The following PCDH15 variants were observed in gnomAD, a reference collection of about 807,000 sequenced individuals.
PCDH15 encodes the protein protocadherin-15.
Under a neutral mutation model 178.5 loss-of-function variants are expected in PCDH15, and 129 were observed. The observed-to-expected ratio is 0.72, with a 90% CI of 0.63 to 0.84. The LOEUF (loss-of-function observed/expected upper bound fraction) is 0.84. PCDH15 is among the 40% of genes least tolerant of loss of function. The pLI is 0.00. For missense variants in PCDH15, 2,230 were observed against 2,099.9 expected (o/e 1.06, Z -1.21); for synonymous variants, 800 against 732.0 (o/e 1.09, Z -1.50).
intron 2 of PCDH15, among the ~76,000 whole-genome samples, chr10:55,337,512 G>T (rs1265617812): frequency 6.6e-6 from 1 of 152,126 alleles, no homozygotes; most frequent in Non-Finnish European, 1.5e-5. Flanking sequence ...GATATGAAAG[G>T]AATCGGATAT....
At chr10:55,498,381 C>T (rs1350780482) in intron 2 of PCDH15, among the ~76,000 whole-genome samples, 1 of 151,696 alleles carries the variant, frequency 6.6e-6, no homozygotes, top group East Asian at 2.0e-4. Flanking sequence ...ATAGCTGCAC[C>T]CAACAAAAGC....
intron 6 of PCDH15, among the ~76,000 whole-genome samples, chr10:54,333,109 A>G (rs1395056166): frequency 6.6e-6 from 1 of 151,930 alleles, no homozygotes; most frequent in Non-Finnish European, 1.5e-5. Flanking sequence ...CATCTGGCTA[A>G]TTTTTATTTT....
rs187122741 is a variant in PCDH15 at position 54,002,712 on chromosome 10, T to G, written c.2752-6947A>C. 2.0e-5 allele frequency among the ~76,000 whole-genome samples: 3 copies of G among 152,298 alleles called. No homozygotes were observed. The East Asian group carries it at 5.8e-4, about 29-fold the overall frequency. On this transcript the variant is annotated intron_variant, in intron 20 of 37. Coordinates refer to ENST00000644397, the MANE Select transcript of PCDH15 (RefSeq NM_001384140.1). ...AGTTGGCAGGACTTCCTGGGTTGAT[T>G]TGGGGACTTTCACAAAAGACCCCTG...
intron 1 of PCDH15, among the ~76,000 whole-genome samples, chr10:54,749,588 A>G (rs1458514121): frequency 1.3e-5 from 2 of 152,138 alleles, no homozygotes; most frequent in African/African-American, 4.8e-5. Context: ...CATACTTTTT[A>G]GATATGAACT....
intron 1 of PCDH15, among the ~76,000 whole-genome samples, chr10:54,677,911 A>G (rs2094821726): frequency 6.6e-6 from 1 of 152,174 alleles, no homozygotes; most frequent in Admixed American, 6.5e-5. Context: ...GGACCACTGT[A>G]CTATCATCAC....
At chr10:53,899,142 C>CG (rs57832917) in intron 26 of PCDH15, among the ~76,000 whole-genome samples, 74,080 of 139,084 alleles carry the variant, frequency 0.53, 20,266 homozygotes, top group Middle Eastern at 0.73. Flanking sequence ...TACTTTTTTT[C>CG]GGGGGGGGGT....
At chr10:55,371,234 T>C (rs180919141) in intron 2 of PCDH15, among the ~76,000 whole-genome samples, 8 of 152,218 alleles carry the variant, frequency 5.3e-5, no homozygotes, top group African/African-American at 1.9e-4. Flanking sequence ...ACAGACTGAT[T>C]ATTCTCAAAT....
chr10:54,190,685 T>C (rs2048907802), intron 11 of PCDH15, among the ~76,000 whole-genome samples: 1 of 152,160 alleles, frequency 6.6e-6, no homozygotes, highest in African/African-American at 2.4e-5. Context: ...AGATTATGAG[T>C]GAGCCACCAC....
In PCDH15 at chr10:54,079,397, T is replaced by A; in HGVS notation, c.2025A>T (p.Ala675=). The change falls in exon 17 of 38, where the codon GCA becomes GCT. Residue 675 remains alanine, a synonymous_variant. Coordinates refer to ENST00000644397, the MANE Select transcript of PCDH15 (RefSeq NM_001384140.1). The part of the protein sequence containing the change: ...ETTGILTLGK[A]LDRESTDRYI... Reference sequence around the variant, plus strand: ...AGCGATCAGTGCTTTCCCTGTCCAGTGCTTTCCCTAAGGTTAGAATCCCCG... The same window carrying A: ...AGCGATCAGTGCTTTCCCTGTCCAGAGCTTTCCCTAAGGTTAGAATCCCCG... 6.2e-7 allele frequency: 1 copy of A among 1,614,124 alleles called. No homozygotes were observed. Among genetic ancestry groups the A allele is most frequent in the Non-Finnish European group, 8.5e-7 (1 of 1,179,974 alleles).
intron 1 of PCDH15, among the ~76,000 whole-genome samples, chr10:55,262,958 G>A (rs1183488173): frequency 6.6e-6 from 1 of 152,118 alleles, no homozygotes; most frequent in Non-Finnish European, 1.5e-5. Flanking sequence ...TGGGGTCAGA[G>A]CCCCACAGCC....
intron 1 of PCDH15, among the ~76,000 whole-genome samples, chr10:55,172,959 GT>G (rs1259403349): frequency 6.6e-6 from 1 of 151,876 alleles, no homozygotes; most frequent in African/African-American, 2.4e-5. Context: ...AAAAAGGTTT[GT>G]TTTATGCAAA....
At chr10:54,767,177 T>A (rs1948617483) in intron 1 of PCDH15, among the ~76,000 whole-genome samples, 1 of 152,058 alleles carries the variant, frequency 6.6e-6, no homozygotes, top group East Asian at 1.9e-4. Context: ...TATTACGAGT[T>A]CAAAAATATT....
intron 1 of PCDH15, among the ~76,000 whole-genome samples, chr10:54,725,867 C>G (rs1942420020): frequency 6.7e-6 from 1 of 149,396 alleles, no homozygotes; most frequent in South Asian, 2.1e-4. Flanking sequence ...TGAATAATTT[C>G]AAGTTGGAAT....
intron 15 of PCDH15, among the ~76,000 whole-genome samples, chr10:54,096,565 A>C (rs2094703293): frequency 6.6e-6 from 1 of 152,158 alleles, no homozygotes; most frequent in Admixed American, 6.5e-5. Flanking sequence ...TCTGGGGCTG[A>C]GAGATTCAAG....
chr10:54,398,873 A>AT (rs1951577406), intron 3 of PCDH15, among the ~76,000 whole-genome samples: 1 of 152,102 alleles, frequency 6.6e-6, no homozygotes, highest in Non-Finnish European at 1.5e-5. Context: ...TGAATGGACA[A>AT]TTTTTAGTGG....
chr10:55,312,373 G>C (rs1262515806), intron 1 of PCDH15, among the ~76,000 whole-genome samples: 2 of 152,028 alleles, frequency 1.3e-5, no homozygotes, highest in Non-Finnish European at 2.9e-5. Context: ...TTGCCTAAGA[G>C]ATTCTAAAAG....
intron 4 of PCDH15, among the ~76,000 whole-genome samples, chr10:54,371,305 A>T (rs1387064831): frequency 1.3e-5 from 2 of 151,862 alleles, no homozygotes; most frequent in Non-Finnish European, 2.9e-5. Context: ...ATTTTACATG[A>T]CAGCACTGTA....
chr10:55,598,141 C>T lies in PCDH15; in HGVS notation c.-156+29484G>A, dbSNP rs12570890. 2.3e-3 allele frequency among the ~76,000 whole-genome samples: 347 copies of T among 152,044 alleles called. 2 individuals carry two copies. The East Asian group carries it at 0.032, about 14-fold the overall frequency. Reference sequence around the variant, plus strand: ...TTGGTAAATTTTGTGCCAGCCACCGCGGCCATACGATTAACCCAAGCTAAT... The same window carrying T: ...TTGGTAAATTTTGTGCCAGCCACCGTGGCCATACGATTAACCCAAGCTAAT... On this transcript the variant is annotated intron_variant, in intron 2 of 5. Transcript: ENST00000613346.
chr10:54,156,877 G>A lies in PCDH15; in HGVS notation c.1591-3584C>T, dbSNP rs546718870. On this transcript the variant is annotated intron_variant, in intron 13 of 37. Transcript: ENST00000644397. ...ACTGGCCAAAACAAAGGGGCTACAG[G>A]CCCCAAGCAAGTCCGAAATCCAGTG... Among the ~76,000 whole-genome samples, 29 of 152,254 alleles carry A rather than the reference G, an allele frequency of 1.9e-4. No individual in the cohort carries two copies. The South Asian group carries it at 3.5e-3, about 18-fold the overall frequency.
Sources: allele counts gnomAD v4.1 joint callset (sites outside exome capture counted in the v4.1 genomes callset), GRCh38; gene constraint gnomAD v4.1.1; transcripts MANE v1.5; gene names NCBI Gene and HGNC (gene_info 2026-07-23, HGNC 2026-07-21).